EHBP1: variants seen among roughly 807,000 people sequenced by gnomAD.
The protein encoded by EHBP1 is EH domain-binding protein 1.
Under a neutral mutation model 144.0 loss-of-function variants are expected in EHBP1, and 55 were observed. The observed-to-expected ratio is 0.38, with a 90% CI of 0.31 to 0.48. The LOEUF (loss-of-function observed/expected upper bound fraction) is 0.48, where lower values mean the gene tolerates loss of function less well. EHBP1 is among the 20% of genes least tolerant of loss of function. The pLI is 0.98. For missense variants in EHBP1, 1,200 were observed against 1,364.2 expected, an observed-to-expected ratio of 0.88 and a Z score of 1.90; for synonymous variants, 469 against 472.7, an observed-to-expected ratio of 0.99 and a Z score of 0.10.
chr2:62,759,881 AAAC>A, intron 3 of EHBP1, among the ~76,000 whole-genome samples: 1 of 152,342 alleles, frequency 6.6e-6, no homozygotes, highest in East Asian at 1.9e-4. Context: ...AATTCTTAGA[AAAC>A]AGTAACACTA....
At chr2:62,771,486 T>C in intron 5 of EHBP1, 94 bp downstream of exon 5, 2 of 932,422 alleles carry the variant, frequency 2.1e-6, no homozygotes, top group Non-Finnish European at 3.2e-6. Flanking sequence ...GGAAAAATGT[T>C]GCCTTAAGAA....
intron 5 of EHBP1, among the ~76,000 whole-genome samples, chr2:62,817,728 T>C (rs1445892115): frequency 1.3e-5 from 2 of 152,148 alleles, no homozygotes; most frequent in African/African-American, 2.4e-5. Flanking sequence ...CAAGTAAATA[T>C]ACAGTGTGCT....
At chr2:62,808,470 C>G (rs544745038) in intron 5 of EHBP1, among the ~76,000 whole-genome samples, 9 of 152,112 alleles carry the variant, frequency 5.9e-5, no homozygotes, top group Non-Finnish European at 1.3e-4. Context: ...TTTTTGATCT[C>G]TAGCTTTTCT....
chr2:62,846,763 A>G (rs1411318707), intron 7 of EHBP1, among the ~76,000 whole-genome samples: 1 of 152,228 alleles, frequency 6.6e-6, no homozygotes, highest in Non-Finnish European at 1.5e-5. Context: ...ACTAAGAAAT[A>G]AATTTGACAT....
intron 21 of EHBP1, among the ~76,000 whole-genome samples, chr2:63,043,137 A>G (rs1020917833): frequency 7.2e-5 from 11 of 152,280 alleles, no homozygotes; most frequent in South Asian, 2.1e-4. Context: ...GACCTTTAAG[A>G]TCTTTCCAAC....
At chr2:62,706,513 C>G (rs1451341933) in intron 1 of EHBP1, 1 of 152,200 alleles carries the variant, frequency 6.6e-6, no homozygotes, top group Non-Finnish European at 1.5e-5. Context: ...GACTGAAAAA[C>G]AAAGTTTATT....
chr2:63,022,026 A>G (rs940126646), intron 19 of EHBP1, among the ~76,000 whole-genome samples: 3 of 152,040 alleles, frequency 2.0e-5, no homozygotes, highest in African/African-American at 7.2e-5. Flanking sequence ...TCGGCCTCCC[A>G]AAGTGCTGGC....
intron 19 of EHBP1, among the ~76,000 whole-genome samples, chr2:63,033,632 T>C (rs2061348500): frequency 6.6e-6 from 1 of 152,184 alleles, no homozygotes; most frequent in Non-Finnish European, 1.5e-5. Context: ...AGACAGTTTT[T>C]AAAACATTCA....
chr2:62,918,274 A>C (rs17432566), intron 10 of EHBP1, among the ~76,000 whole-genome samples: 1 of 152,008 alleles, frequency 6.6e-6, no homozygotes, highest in African/African-American at 2.4e-5. Flanking sequence ...TTTGATTTAC[A>C]ACTACCGTAG....
chr2:62,751,122 G>T (rs1459924122), intron 3 of EHBP1, among the ~76,000 whole-genome samples: 1 of 152,114 alleles, frequency 6.6e-6, no homozygotes, highest in Non-Finnish European at 1.5e-5. Context: ...CTGTGGGTTT[G>T]TCATAAATAG....
intron 9 of EHBP1, among the ~76,000 whole-genome samples, chr2:62,870,815 G>A (rs946169991): frequency 6.7e-6 from 1 of 149,922 alleles, no homozygotes; most frequent in Non-Finnish European, 1.5e-5. Flanking sequence ...AAATTGACTT[G>A]TTTTCTATTG....
Position 62,891,108 on chromosome 2 carries a change from C to T in EHBP1, c.1185+16576C>T, listed in dbSNP as rs1207034267. ...CAGGAGAATCACTTGACCCGGGAGG[C>T]GGAGGTTGCAGTGAGCTGAGATCAC... On this transcript the variant is annotated intron_variant, in intron 10 of 22. Coordinates refer to ENST00000431489, the MANE Select transcript of EHBP1 (RefSeq NM_001142616.3). Among the ~76,000 whole-genome samples, 5 of 147,066 alleles carry T rather than the reference C, an allele frequency of 3.4e-5. No individual in the cohort carries two copies. The South Asian group carries it at 6.6e-4, about 19-fold the overall frequency.
chr2:62,943,874 A>T, intron 12 of EHBP1, 24 bp downstream of exon 12: 1 of 1,570,980 alleles, frequency 6.4e-7, no homozygotes, highest in Non-Finnish European at 8.7e-7. Context: ...AGCAAGAAAA[A>T]TACGTAGTTT....
At chr2:62,831,630 A>G (rs1553435010) in intron 7 of EHBP1, among the ~76,000 whole-genome samples, 1 of 152,190 alleles carries the variant, frequency 6.6e-6, no homozygotes, top group Non-Finnish European at 1.5e-5. Context: ...TATTCCTTCA[A>G]GCTGAGTTGA....
chr2:62,881,061 A>C (rs1429117914), intron 10 of EHBP1, among the ~76,000 whole-genome samples: 1 of 152,200 alleles, frequency 6.6e-6, no homozygotes, highest in African/African-American at 2.4e-5. Flanking sequence ...CTACGCAGCC[A>C]TAAAAAAGAA....
chr2:62,944,099 TAAAGCATAG>T (rs944702526), intron 12 of EHBP1, among the ~76,000 whole-genome samples: 3 of 152,236 alleles, frequency 2.0e-5, no homozygotes, highest in African/African-American at 7.2e-5. Context: ...GAATATTTGT[TAAAGCATAG>T]TGCTTTTTTT....
intron 19 of EHBP1, among the ~76,000 whole-genome samples, chr2:63,035,648 TATGAACACAAGAATTA>T (rs1216872138): frequency 2.0e-5 from 3 of 152,042 alleles, no homozygotes; most frequent in Non-Finnish European, 4.4e-5. Context: ...TCACATAGGT[TATGAACACAAGAATTA>T]AGTCTTTAAT....
chr2:62,679,487 T>C (rs1231391557), intron 1 of EHBP1, among the ~76,000 whole-genome samples: 1 of 152,206 alleles, frequency 6.6e-6, no homozygotes, highest in African/African-American at 2.4e-5. Context: ...TTTTAGATTA[T>C]TTTTGTTTGC....
At chr2:62,743,838 G>A (rs975399300) in intron 2 of EHBP1, among the ~76,000 whole-genome samples, 6 of 151,964 alleles carry the variant, frequency 3.9e-5, no homozygotes, top group Admixed American at 1.3e-4. Flanking sequence ...TCTCCTTTTA[G>A]CTTCTCCTCT....
Sources: gnomAD v4.1 joint callset for allele counts (sites outside exome capture counted in the v4.1 genomes callset) on GRCh38, gnomAD v4.1.1 for gene constraint, MANE v1.5 for transcripts, NCBI Gene and HGNC (gene_info 2026-07-23, HGNC 2026-07-21) for gene names.